DYNC2I1: variants seen among roughly 807,000 people sequenced by gnomAD.
DYNC2I1 encodes cytoplasmic dynein 2 intermediate chain 1.
In DYNC2I1, 89 loss-of-function variants were observed where a neutral mutation model predicts 133.4. The observed-to-expected ratio is 0.67, with a 90% confidence interval of 0.56 to 0.80. The LOEUF is 0.80. Among genes scored for constraint, DYNC2I1 ranks in the 30% least tolerant of loss-of-function variants. The pLI is 0.00. For missense variants in DYNC2I1, 1,291 were observed against 1,314.5 expected, an observed-to-expected ratio of 0.98 and a Z score of 0.28; for synonymous variants, 504 against 484.3, an observed-to-expected ratio of 1.04 and a Z score of -0.54.
the DYNC2I1 span, among the ~76,000 whole-genome samples, chr7:158,841,116 G>A: frequency 1.5e-5 from 2 of 137,034 alleles, no homozygotes; most frequent in Non-Finnish European, 3.1e-5. Flanking sequence ...CCAACTCCCA[G>A]TCACAAAACA....
chr7:158,871,201 G>T lies in DYNC2I1; in HGVS notation c.129G>T (p.Lys43Asn), dbSNP rs759408629. Reference sequence around the variant, plus strand: ...AGCACAGAGAGAAGAAGCTGCGTAAGGAGTCTGAGATGGACCTTCCTGAAC... The same window carrying T: ...AGCACAGAGAGAAGAAGCTGCGTAATGAGTCTGAGATGGACCTTCCTGAAC... ...ERKHREKKLR[K>N]ESEMDLPEHK... The change falls in exon 3 of 25, where the codon AAG becomes AAT. Residue 43 changes from lysine (K) to asparagine (N), a missense_variant. Lys to Asn is a moderately conservative substitution (Grantham distance 94, BLOSUM62 0). Transcript: ENST00000407559. The T allele has an allele frequency of 3.7e-6, 6 of 1,613,664 alleles. No homozygotes were observed. Among genetic ancestry groups the T allele is most frequent in the Middle Eastern group, 1.6e-4 (1 of 6,082 alleles).
intron 3 of DYNC2I1, among the ~76,000 whole-genome samples, chr7:158,876,361 G>A (rs1370925101): frequency 6.6e-6 from 1 of 152,182 alleles, no homozygotes; most frequent in Non-Finnish European, 1.5e-5. Context: ...ATTTCAGCGT[G>A]AGATTTGGGT....
At chr7:158,954,777 T>C (rs1371091358) in intron 4 of DYNC2I1, among the ~76,000 whole-genome samples, 2 of 152,232 alleles carry the variant, frequency 1.3e-5, no homozygotes, top group African/African-American at 2.4e-5. Context: ...CTGAATATTA[T>C]AGCATTTCTA....
At chr7:158,893,875 A>G (rs1002961739) in intron 8 of DYNC2I1, among the ~76,000 whole-genome samples, 1 of 152,038 alleles carries the variant, frequency 6.6e-6, no homozygotes, top group Non-Finnish European at 1.5e-5. Context: ...ACCACATATC[A>G]TATCGTAACA....
intron 8 of DYNC2I1, 35 bp from the exon 9 acceptor site, chr7:158,901,704 A>T: frequency 7.2e-7 from 1 of 1,379,966 alleles, no homozygotes; most frequent in South Asian, 1.3e-5. Flanking sequence ...TTTATGATTG[A>T]ATTTTTTGGT....
intron 23 of DYNC2I1, among the ~76,000 whole-genome samples, chr7:158,935,697 G>T (rs796864072): frequency 1.3e-4 from 20 of 152,322 alleles, no homozygotes; most frequent in African/African-American, 4.8e-4. Context: ...AATGTGGTCA[G>T]GCAAGGCTGG....
intron 20 of DYNC2I1, 61 bp downstream of exon 20, chr7:158,927,104 A>G: frequency 3.2e-6 from 4 of 1,261,404 alleles, no homozygotes; most frequent in Non-Finnish European, 4.5e-6. Flanking sequence ...GATTAAAAGT[A>G]CTGATAACTG....
At position 158,927,008 on chromosome 7, in the gene DYNC2I1, C is replaced by T. The variant is rs759838011; in HGVS notation, c.2450C>T (p.Pro817Leu). The change falls in exon 20 of 25, where the codon CCA becomes CTA. Residue 817 changes from proline to leucine, a missense_variant. Pro to Leu is a moderately conservative substitution (Grantham distance 98, BLOSUM62 -3). Transcript: ENST00000407559. ...TGTTTTTAGGTGGTTGTTGAATTAC[C>T]AAAGGCAGACATCGCAGGTTCAATA... ...VLNVWVVVEL[P>L]KADIAGSISD... The T allele has an allele frequency of 8.1e-6, 13 of 1,603,206 alleles. No homozygotes were observed. The highest frequency in any genetic ancestry group is 1.1e-5 in the South Asian group (1 of 89,162).
At chr7:158,900,448 A>T (rs540433338) in intron 8 of DYNC2I1, among the ~76,000 whole-genome samples, 8 of 152,270 alleles carry the variant, frequency 5.3e-5, no homozygotes, top group African/African-American at 1.7e-4. Flanking sequence ...GTTCCTCAGT[A>T]GATAAAGTGT....
chr7:158,871,232 G>A lies in DYNC2I1; in HGVS notation c.160G>A (p.Glu54Lys). The A allele has an allele frequency of 6.2e-7, 1 of 1,613,116 alleles. No homozygotes were observed. The highest frequency in any genetic ancestry group is 8.5e-7 in the Non-Finnish European group (1 of 1,179,510). The part of the protein sequence containing the change: ...ESEMDLPEHK[E>K]PRCRDPDQDA... ...TGAGATGGACCTTCCTGAACATAAG[G>A]AGCCGAGGTGCAGGGATCCCGACCA... The change falls in exon 3 of 25, where the codon GAG (glutamate) becomes AAG (lysine). Residue 54 changes from glutamate (E) to lysine (K), a missense_variant. Glu to Lys is a moderately conservative substitution (Grantham distance 56, BLOSUM62 1). Coordinates refer to ENST00000407559, the MANE Select transcript of DYNC2I1 (RefSeq NM_018051.5).
downstream of DYNC2I1, among the ~76,000 whole-genome samples, chr7:158,947,636 T>G (rs1271260292): frequency 6.6e-6 from 1 of 152,198 alleles, no homozygotes; most frequent in Non-Finnish European, 1.5e-5. Context: ...GCTGCTCCTT[T>G]AGGGGGAGCT....
intron 11 of DYNC2I1, among the ~76,000 whole-genome samples, chr7:158,908,148 T>C (rs952699135): frequency 1.1e-4 from 17 of 151,978 alleles, no homozygotes; most frequent in Admixed American, 2.6e-4. Context: ...AGTTCTGGCA[T>C]TTGTGTGTTG....
rs556281096 is a variant in DYNC2I1 at position 158,902,278 on chromosome 7, C to T, written c.1138-98C>T. The T allele has an allele frequency of 3.6e-4, 347 of 973,496 alleles. 1 individual carries two copies. Among genetic ancestry groups the T allele is most frequent in the Non-Finnish European group, 5.1e-4 (332 of 653,900 alleles). The allele number at this position is 973,496 out of a possible 1,614,324, so 60.3% of individuals were successfully genotyped here. A position where few individuals can be genotyped will look rare whatever the true frequency, so the allele number is the denominator to read the frequency against. On this transcript the variant is annotated intron_variant, in intron 9 of 24. Coordinates refer to ENST00000407559, the MANE Select transcript of DYNC2I1 (RefSeq NM_018051.5). The stretch of plus-strand genomic sequence containing the variant: ...TTCTTAGCTGTAATAAGGACATTGT[C>T]TGTTTTAAGTTATAAAGTGTCATGT...
At chr7:158,919,469 C>T (rs1037173782) in intron 15 of DYNC2I1, among the ~76,000 whole-genome samples, 13 of 152,226 alleles carry the variant, frequency 8.5e-5, no homozygotes, top group Non-Finnish European at 2.9e-5. Context: ...AGCTAGTAAC[C>T]TCTTTGTCTC....
chr7:158,913,020 A>G lies in DYNC2I1; in HGVS notation c.1626A>G (p.Arg542=), dbSNP rs1733412932. 6.2e-7 allele frequency: 1 copy of G among 1,613,458 alleles called. No individual in the cohort carries two copies. ...AGTGTAACGAAGATAATGTTGAAAG[A>G]GACATTCAAACGGAGGAAATAGAGA... ...YVQCNEDNVE[R]DIQTEEIETR... The change falls in exon 13 of 25, where the codon AGA becomes AGG. Residue 542 remains arginine (R), a synonymous_variant. Transcript: ENST00000407559.
Position 158,934,139 on chromosome 7 carries a change from A to C in DYNC2I1, c.2557A>C (p.Lys853Gln). 1 of 1,608,326 alleles carries C rather than the reference A, an allele frequency of 6.2e-7. No individual in the cohort carries two copies. The change falls in exon 22 of 25, where the codon AAA becomes CAA. Residue 853 changes from lysine (K) to glutamine (Q), a missense_variant. Coordinates refer to ENST00000407559, the MANE Select transcript of DYNC2I1 (RefSeq NM_018051.5). ...ACTTTATTTTTTCAGTCTTTCCCAT[A>C]AAGGTAATGAATTTTGGGGCACTAC... is the stretch of plus-strand genomic sequence containing the variant. ...LIQLGDSLSH[K>Q]GNEFWGTTQT...
chr7:158,949,606 C>T (rs903171146), downstream of DYNC2I1, among the ~76,000 whole-genome samples: 8 of 149,356 alleles, frequency 5.4e-5, no homozygotes, highest in African/African-American at 7.4e-5. Flanking sequence ...GGGCCCGAGC[C>T]GCACAGACGG....
At chr7:158,925,139 AC>A (rs1201164858) in intron 17 of DYNC2I1, among the ~76,000 whole-genome samples, 1 of 152,200 alleles carries the variant, frequency 6.6e-6, no homozygotes, top group Non-Finnish European at 1.5e-5. Context: ...TCTGATTCAG[AC>A]CATGAGTCAG....
chr7:158,882,138 T>C (rs1467527208), intron 5 of DYNC2I1, among the ~76,000 whole-genome samples: 6 of 152,196 alleles, frequency 3.9e-5, no homozygotes, highest in African/African-American at 1.4e-4. Flanking sequence ...CATTTTCTTT[T>C]TAAGACAAGC....
Sources: allele counts gnomAD v4.1 joint callset (sites outside exome capture counted in the v4.1 genomes callset), GRCh38; gene constraint gnomAD v4.1.1; transcripts MANE v1.5; gene names NCBI Gene and HGNC (gene_info 2026-07-23, HGNC 2026-07-21).